Variants in TES observed in about 807,000 individuals in gnomAD.
The protein encoded by TES is testin.
A neutral mutation model predicts 48.2 loss-of-function variants in TES; 41 were observed. The observed-to-expected ratio is 0.85, with a 90% CI of 0.66 to 1.10. The LOEUF is 1.10. Ranked by LOEUF, TES falls within the 50% of genes least tolerant of loss-of-function variation. The pLI, the probability that TES is intolerant of heterozygous loss-of-function variation, is 0.00. For synonymous variants in TES, 162 were observed against 174.9 expected (o/e 0.93, Z 0.58); for missense variants, 463 against 515.1 (o/e 0.90, Z 0.98).
rs1040613555 is a variant in TES, at chr7:116,252,347, A to G, written c.948A>G (p.Ala316=). The G allele has an allele frequency of 9.9e-6, 16 of 1,613,538 alleles. No homozygotes were observed. In the Admixed American group the frequency reaches 1.2e-4, roughly 12 times the overall value. The change falls in exon 6 of 7, where the codon GCA becomes GCG. Residue 316 remains alanine, a synonymous_variant. Transcript: ENST00000358204. The stretch of plus-strand genomic sequence containing the variant: ...TATTCAGCAATGAGTATACCCAGGC[A>G]GAAAACCAGAATTGGCACCTGAAAC... The part of the protein sequence containing the change: ...ELIFSNEYTQ[A]ENQNWHLKHF...
Position 116,257,282 on chromosome 7 carries a change from ATTTC to A in TES, c.1078-9_1078-6del. On this transcript the variant is annotated splice_region_variant and splice_polypyrimidine_tract_variant and intron_variant, in intron 6 of 6. Coordinates refer to ENST00000358204, the MANE Select transcript of TES (RefSeq NM_015641.4). ...ATCTCTCACCCTCTTCTCTTGTATT[ATTTC>A]TTAATAGGTGTGTCAAGGATGCCAC... is the stretch of plus-strand genomic sequence containing the variant. The A allele has an allele frequency of 6.3e-7, 1 of 1,590,384 alleles. No individual in the cohort carries two copies. Among genetic ancestry groups the A allele is most frequent in the Non-Finnish European group, 8.6e-7 (1 of 1,167,418 alleles).
intron 1 of TES, among the ~76,000 whole-genome samples, chr7:116,220,241 C>A (rs897525784): frequency 2.0e-5 from 3 of 152,156 alleles, no homozygotes; most frequent in African/African-American, 7.2e-5. Flanking sequence ...AGAGGCAAGA[C>A]AGATTTCAGT....
chr7:116,238,854 G>A (rs546187080), intron 2 of TES, among the ~76,000 whole-genome samples: 2 of 152,166 alleles, frequency 1.3e-5, no homozygotes, highest in Admixed American at 6.5e-5. Context: ...ACCAGCCTCA[G>A]CCTCCCAAAG....
intron 2 of TES, among the ~76,000 whole-genome samples, chr7:116,241,715 G>A (rs986031747): frequency 2.6e-5 from 4 of 152,068 alleles, no homozygotes; most frequent in Admixed American, 6.6e-5. Context: ...TACCACTAGC[G>A]TTATTGGTAT....
intron 2 of TES, among the ~76,000 whole-genome samples, chr7:116,238,585 C>CATTATT (rs375782060): frequency 0.01 from 1,303 of 129,342 alleles, 11 homozygotes; most frequent in African/African-American, 0.028. Context: ...CAACATCCAT[C>CATTATT]ATTATTATTA....
chr7:116,217,804 A>C (rs369535669), intron 1 of TES: 1 of 518,254 alleles, frequency 1.9e-6, no homozygotes. Context: ...GCCCAACTAC[A>C]ATCTTTGACT....
At chr7:116,210,852 C>T (rs951647762) in intron 1 of TES, 118 bp downstream of exon 1, 5 of 958,946 alleles carry the variant, frequency 5.2e-6, no homozygotes, top group Non-Finnish European at 6.8e-6. Flanking sequence ...GAGCCCGGCT[C>T]TGGGTCTGCG....
At chr7:116,235,642 G>A (rs1799760604) in intron 2 of TES, among the ~76,000 whole-genome samples, 1 of 151,972 alleles carries the variant, frequency 6.6e-6, no homozygotes, top group Non-Finnish European at 1.5e-5. Context: ...AGTCCATAGT[G>A]GTAATTCACA....
At chr7:116,215,751 G>A (rs919642878) in intron 1 of TES, among the ~76,000 whole-genome samples, 3 of 152,068 alleles carry the variant, frequency 2.0e-5, no homozygotes, top group African/African-American at 2.4e-5. Context: ...GTCTTTTCTC[G>A]TGTTGAGCTC....
Position 116,257,161 on chromosome 7 carries a change from A to G in TES, c.1078-133A>G, listed in dbSNP as rs560832931. The G allele has an allele frequency of 1.1e-4, 104 of 965,320 alleles. No individual in the cohort carries two copies. The East Asian group carries it at 2.9e-3, about 27-fold the overall frequency. 59.8% of individuals were successfully genotyped at this position (965,320 alleles called of 1,614,324 possible). On this transcript the variant is annotated intron_variant, in intron 6 of 6. Transcript: ENST00000358204. ...GGCCAAAAAGGTTAGCTAGAAGGCC[A>G]CCCTCCATTGTGTATTTCTGAGGTT...
rs367601028 is a variant in TES, at chr7:116,249,071, G to A, written c.165G>A (p.Leu55=). ...KCGQEEHDVL[L]SNEEDRKVGK... is the part of the protein sequence containing the mutation. ...GCCAAGAAGAGCATGATGTCCTCTT[G>A]AGCAATGAAGAGGATCGAAAAGTGG... The change falls in exon 3 of 7, where the codon TTG becomes TTA. Residue 55 remains leucine, a synonymous_variant. Transcript: ENST00000358204. 6.2e-7 allele frequency: 1 copy of A among 1,613,676 alleles called. No individual in the cohort carries two copies. The highest frequency in any genetic ancestry group is 1.3e-5 in the African/African-American group (1 of 74,892).
intron 1 of TES, among the ~76,000 whole-genome samples, chr7:116,230,858 A>G (rs1220401903): frequency 3.9e-5 from 6 of 152,208 alleles, no homozygotes; most frequent in Admixed American, 3.3e-4. Context: ...TCTCTGAGCC[A>G]AATTAGATAC....
At position 116,249,013 on chromosome 7, in the gene TES, A is replaced by G; in HGVS notation, c.114-7A>G. On this transcript the variant is annotated splice_region_variant and splice_polypyrimidine_tract_variant and intron_variant, in intron 2 of 6. Coordinates refer to ENST00000358204, the MANE Select transcript of TES (RefSeq NM_015641.4). ...TAATCATTTTCTACTTATTTTCAAA[A>G]TTATAGAAAAATATGTCGTAACTGC... 6.4e-7 allele frequency: 1 copy of G among 1,569,552 alleles called. No individual in the cohort carries two copies. Among genetic ancestry groups the G allele is most frequent in the Non-Finnish European group, 8.6e-7 (1 of 1,160,928 alleles).
At chr7:116,254,749 TA>T (rs1342077081) in intron 6 of TES, among the ~76,000 whole-genome samples, 1 of 104,256 alleles carries the variant, frequency 9.6e-6, no homozygotes, top group African/African-American at 3.8e-5. Flanking sequence ...TCAAAAAAAA[TA>T]TATATATATG....
In TES at chr7:116,249,070, T is replaced by G. The variant is rs752932574; in HGVS notation, c.164T>G (p.Leu55Trp). The G allele has an allele frequency of 3.7e-6, 6 of 1,613,952 alleles. No individual in the cohort carries two copies. In the Admixed American group the frequency reaches 6.7e-5, roughly 18 times the overall value. ...KCGQEEHDVL[L>W]SNEEDRKVGK... Reference sequence around the variant, plus strand: ...GGCCAAGAAGAGCATGATGTCCTCTTGAGCAATGAAGAGGATCGAAAAGTG... The same window carrying G: ...GGCCAAGAAGAGCATGATGTCCTCTGGAGCAATGAAGAGGATCGAAAAGTG... The change falls in exon 3 of 7, where the codon TTG (leucine) becomes TGG (tryptophan). Residue 55 changes from leucine to tryptophan, a missense_variant. Coordinates refer to ENST00000358204, the MANE Select transcript of TES (RefSeq NM_015641.4).
At chr7:116,236,246 A>G (rs1011697205) in intron 2 of TES, among the ~76,000 whole-genome samples, 1 of 152,184 alleles carries the variant, frequency 6.6e-6, no homozygotes, top group Non-Finnish European at 1.5e-5. Flanking sequence ...TTACCTTACA[A>G]TCTTATAATA....
At chr7:116,221,347 C>T (rs1049587926) in intron 1 of TES, among the ~76,000 whole-genome samples, 2 of 152,074 alleles carry the variant, frequency 1.3e-5, no homozygotes, top group African/African-American at 2.4e-5. Flanking sequence ...ATTGTGGTCC[C>T]GTATAGGGAA....
chr7:116,232,877 T>C (rs1584617428), intron 1 of TES, among the ~76,000 whole-genome samples: 1 of 152,250 alleles, frequency 6.6e-6, no homozygotes, highest in Non-Finnish European at 1.5e-5. Flanking sequence ...TTATATGGTC[T>C]AACTTAAAAG....
intron 1 of TES, among the ~76,000 whole-genome samples, chr7:116,233,442 C>T (rs921323689): frequency 6.6e-6 from 1 of 152,162 alleles, no homozygotes; most frequent in Non-Finnish European, 1.5e-5. Flanking sequence ...CCACTCCTTG[C>T]CTCCCTACAA....
Sources: allele counts gnomAD v4.1 joint callset (sites outside exome capture counted in the v4.1 genomes callset), GRCh38; gene constraint gnomAD v4.1.1; transcripts MANE v1.5; gene names NCBI Gene and HGNC (gene_info 2026-07-23, HGNC 2026-07-21).